The following PATJ variants were observed in gnomAD, a reference collection of about 807,000 sequenced individuals.
PATJ encodes the protein PATJ crumbs cell polarity complex component.
PATJ carries 190 observed loss-of-function variants against 224.9 expected under a neutral mutation model. That is an observed-to-expected ratio of 0.84 (90% CI 0.75 to 0.95). PATJ has a LOEUF of 0.95. Ranked by LOEUF, PATJ falls within the 40% of genes least tolerant of loss-of-function variation. The probability of loss-of-function intolerance (pLI) is 0.00; values close to 1 mark genes in which losing one functional copy is unlikely to be tolerated. For missense variants in PATJ, 2,121 were observed against 2,270.3 expected (o/e 0.93, Z 1.34); for synonymous variants, 769 against 820.3 (o/e 0.94, Z 1.07).
intron 28 of PATJ, 164 bp downstream of exon 28, chr1:61,990,528 C>A: frequency 2.1e-6 from 1 of 479,190 alleles, no homozygotes; most frequent in Non-Finnish European, 3.5e-6. Context: ...CTGTTGTTTG[C>A]AAATGTTATT....
In PATJ at chr1:62,112,700, CTT is replaced by C. The variant is rs374689615; in HGVS notation, c.4462-1350_4462-1349del. On this transcript the variant is annotated intron_variant, in intron 34 of 43. Transcript: ENST00000642238. The stretch of plus-strand genomic sequence containing the variant: ...GACTTATCCTTCCCCTCATTTGACT[CTT>C]TTCCTAGCTGCAACCTTGAGGGAAT... Among the ~76,000 whole-genome samples the C allele has an allele frequency of 6.8e-4, 104 of 152,330 alleles. 2 individuals are homozygous for C. In the East Asian group the frequency reaches 0.014, roughly 20 times the overall value.
At chr1:62,116,259 A>T (rs552305309) in intron 35 of PATJ, among the ~76,000 whole-genome samples, 1 of 152,224 alleles carries the variant, frequency 6.6e-6, no homozygotes, top group Admixed American at 6.5e-5. Flanking sequence ...GCTCATTGCA[A>T]TAGTTAAAGA....
At chr1:61,763,778 G>A (rs1374904870) in intron 3 of PATJ, among the ~76,000 whole-genome samples, 1 of 152,078 alleles carries the variant, frequency 6.6e-6, no homozygotes, top group Non-Finnish European at 1.5e-5. Context: ...TCCCACCTCA[G>A]CTTCCAGAGT....
chr1:61,814,922 G>A (rs1203102032), intron 14 of PATJ, among the ~76,000 whole-genome samples: 1 of 152,130 alleles, frequency 6.6e-6, no homozygotes, highest in Non-Finnish European at 1.5e-5. Context: ...TATTTACTGA[G>A]CTCCTACTCT....
chr1:62,163,846 A>T lies in PATJ; in HGVS notation c.*2792A>T, dbSNP rs144349199. 2.0e-5 allele frequency: 3 copies of T among 152,326 alleles called. No homozygotes were observed. The East Asian group carries it at 5.8e-4, about 29-fold the overall frequency. 9.4% of individuals were successfully genotyped at this position (152,326 alleles called of 1,614,324 possible). A position where few individuals can be genotyped will look rare whatever the true frequency, so the allele number is the denominator to read the frequency against. On this transcript the variant is annotated 3_prime_UTR_variant, in exon 44 of 44. Coordinates refer to ENST00000642238, the MANE Select transcript of PATJ (RefSeq NM_001350145.3). ...ATGAGAGGGAAGTAAGCCAGGAAGA[A>T]TAAAACTGCTGAATGTTTGTATGTG...
chr1:62,014,484 A>G (rs1646647687), intron 28 of PATJ, among the ~76,000 whole-genome samples: 1 of 151,812 alleles, frequency 6.6e-6, no homozygotes, highest in South Asian at 2.1e-4. Flanking sequence ...TGGTTTTACC[A>G]GTTAGTATAT....
intron 15 of PATJ, among the ~76,000 whole-genome samples, chr1:61,823,280 C>T (rs1657628599): frequency 1.3e-5 from 2 of 152,180 alleles, no homozygotes; most frequent in African/African-American, 2.4e-5. Context: ...TTTGAGGCTC[C>T]TGAGATGTTC....
In PATJ at chr1:62,084,603, TTCAGGGCTTGGTC is replaced by T. The variant is rs1659722044; in HGVS notation, c.4337_4349del (p.Gly1446AlafsTer10). ...TGATTATAGAAATATCCAAGGGACG[TTCAGGGCTTGGTC>T]TCAGCATTGTGGGAGGAAAAGACAC... On this transcript the variant is annotated frameshift_variant, in exon 33 of 44. Coordinates refer to ENST00000642238, the MANE Select transcript of PATJ (RefSeq NM_001350145.3). LOFTEE classifies it high-confidence loss of function. 1 of 1,613,324 alleles carries T rather than the reference TTCAGGGCTTGGTC, an allele frequency of 6.2e-7. No homozygotes were observed. The highest frequency in any genetic ancestry group is 8.5e-7 in the Non-Finnish European group (1 of 1,179,748).
Position 61,864,558 on chromosome 1 carries a change from G to T in PATJ, c.2760G>T (p.Glu920Asp), listed in dbSNP as rs1417755782. The T allele has an allele frequency of 6.2e-7, 1 of 1,612,852 alleles. No individual in the cohort carries two copies. The highest frequency in any genetic ancestry group is 8.5e-7 in the Non-Finnish European group (1 of 1,179,738). ...GGTTGCATGATAATGAACCATCCGA[G>T]TCTCAAGAGGCAAGAACCGGGAGGA... The part of the protein sequence containing the change: ...TQWLHDNEPS[E>D]SQEARTGRTV... The change falls in exon 20 of 44, where the codon GAG becomes GAT. Residue 920 changes from glutamate to aspartate, a missense_variant. Coordinates refer to ENST00000642238, the MANE Select transcript of PATJ (RefSeq NM_001350145.3).
intron 27 of PATJ, among the ~76,000 whole-genome samples, chr1:61,959,425 A>ATTTTTTTCTTTTT (rs1557944867): frequency 1.6e-5 from 1 of 61,152 alleles, no homozygotes; most frequent in African/African-American, 6.7e-5. Flanking sequence ...TATATAATAT[A>ATTTTTTTCTTTTT]TTTTTTTTCT....
chr1:62,050,241 A>G (rs917680370), intron 30 of PATJ, among the ~76,000 whole-genome samples: 5 of 152,208 alleles, frequency 3.3e-5, no homozygotes, highest in Non-Finnish European at 4.4e-5. Flanking sequence ...CAGTTTAGTC[A>G]TATACAAAAA....
At chr1:62,056,114 G>A (rs1654489170) in intron 31 of PATJ, among the ~76,000 whole-genome samples, 1 of 152,126 alleles carries the variant, frequency 6.6e-6, no homozygotes, top group Non-Finnish European at 1.5e-5. Context: ...CTGGATGAGG[G>A]TAGGTCTTCC....
At chr1:62,032,180 T>C (rs1463815488) in intron 29 of PATJ, among the ~76,000 whole-genome samples, 1 of 152,068 alleles carries the variant, frequency 6.6e-6, no homozygotes, top group Non-Finnish European at 1.5e-5. Flanking sequence ...AAAAGTTGCT[T>C]CCAGGCTTAT....
chr1:61,951,361 TTTTGAGTAGTA>T (rs1001488453), intron 27 of PATJ, among the ~76,000 whole-genome samples: 127 of 152,314 alleles, frequency 8.3e-4, no homozygotes, highest in Middle Eastern at 3.4e-3. Context: ...GTTTAATACC[TTTTGAGTAGTA>T]TTTGAGTTTT....
intron 28 of PATJ, among the ~76,000 whole-genome samples, chr1:62,011,416 A>ATCTCCTTTCC (rs1646441981): frequency 2.0e-5 from 3 of 152,172 alleles, no homozygotes; most frequent in Non-Finnish European, 2.9e-5. Context: ...AAGGCCTCGG[A>ATCTCCTTTCC]GGAGAGAAAA....
chr1:61,960,958 G>A (rs1324474605), intron 27 of PATJ, among the ~76,000 whole-genome samples: 2 of 152,162 alleles, frequency 1.3e-5, no homozygotes, highest in Non-Finnish European at 2.9e-5. Flanking sequence ...ACTCATATGG[G>A]AAGGAAAGGG....
intron 33 of PATJ, among the ~76,000 whole-genome samples, chr1:62,102,092 T>C (rs552067211): frequency 3.3e-5 from 5 of 152,118 alleles, no homozygotes; most frequent in African/African-American, 9.6e-5. Context: ...GGTGAGAGGA[T>C]CACTTGAGCC....
intron 29 of PATJ, among the ~76,000 whole-genome samples, chr1:62,037,130 T>C (rs1570246998): frequency 1.3e-5 from 2 of 152,288 alleles, no homozygotes; most frequent in East Asian, 3.9e-4. Context: ...CTAAGAACTT[T>C]ACATATCAGC....
intron 25 of PATJ, among the ~76,000 whole-genome samples, chr1:61,913,642 G>A (rs974005725): frequency 6.6e-6 from 1 of 152,182 alleles, no homozygotes; most frequent in Non-Finnish European, 1.5e-5. Flanking sequence ...GTACAGCTAT[G>A]TATTAGGCCA....
Sources: allele counts gnomAD v4.1 joint callset (sites outside exome capture counted in the v4.1 genomes callset), GRCh38; gene constraint gnomAD v4.1.1; transcripts MANE v1.5; gene names NCBI Gene and HGNC (gene_info 2026-07-23, HGNC 2026-07-21).